Variants in RIPOR2 observed in about 807,000 individuals in gnomAD.
RIPOR2 encodes the protein RHO family interacting cell polarization regulator 2.
A neutral mutation model predicts 114.5 loss-of-function variants in RIPOR2; 39 were observed. That is an observed-to-expected ratio of 0.34 (90% CI 0.26 to 0.44). The LOEUF is 0.44. RIPOR2 is among the 20% of genes least tolerant of loss of function. The probability of loss-of-function intolerance (pLI) is 1.00; values close to 1 mark genes in which losing one functional copy is unlikely to be tolerated. For synonymous variants in RIPOR2, 445 were observed against 484.4 expected (o/e 0.92, Z 1.07); for missense variants, 1,007 against 1,255.1 (o/e 0.80, Z 2.99).
intron 1 of RIPOR2, among the ~76,000 whole-genome samples, chr6:25,006,506 A>G (rs1302859750): frequency 3.3e-5 from 5 of 152,176 alleles, no homozygotes; most frequent in African/African-American, 4.8e-5. Context: ...CACAAATTCC[A>G]ATCTCCCTCT....
At chr6:24,807,128 C>A (rs1002637948) in intron 21 of RIPOR2, among the ~76,000 whole-genome samples, 10 of 152,200 alleles carry the variant, frequency 6.6e-5, no homozygotes, top group African/African-American at 2.4e-4. Context: ...AGCAGGCTTT[C>A]ATACATGTAA....
At chr6:24,984,605 C>T (rs548046231) in intron 1 of RIPOR2, among the ~76,000 whole-genome samples, 51 of 148,816 alleles carry the variant, frequency 3.4e-4, no homozygotes, top group East Asian at 6.0e-4. Context: ...GGTTTGAGCC[C>T]GGGAGTTGGA....
chr6:24,925,603 G>T (rs1770807353), intron 1 of RIPOR2, among the ~76,000 whole-genome samples: 1 of 152,106 alleles, frequency 6.6e-6, no homozygotes, highest in African/African-American at 2.4e-5. Flanking sequence ...TCAGGAGGCT[G>T]AGGCAGGAGA....
intron 19 of RIPOR2, among the ~76,000 whole-genome samples, chr6:24,819,618 A>G (rs1759487489): frequency 8.2e-6 from 1 of 121,574 alleles, no homozygotes; most frequent in Non-Finnish European, 1.7e-5. Context: ...GGTTCAAGAG[A>G]TTCTCCTACC....
Position 24,914,864 on chromosome 6 carries a change from C to T in RIPOR2, c.61+20974G>A, listed in dbSNP as rs576030104. Among the ~76,000 whole-genome samples the T allele has an allele frequency of 5.3e-5, 8 of 152,302 alleles. No individual in the cohort carries two copies. In the East Asian group the frequency reaches 1.5e-3, roughly 29 times the overall value. ...TAGACCATGCCTGAAGAACCACTGC[C>T]GTTATGAAGTGAAGTCGGTGCTCTA... On this transcript the variant is annotated intron_variant, in intron 1 of 21. Transcript: ENST00000643898.
At chr6:24,884,933 A>C (rs571162046) in intron 1 of RIPOR2, among the ~76,000 whole-genome samples, 62 of 152,308 alleles carry the variant, frequency 4.1e-4, no homozygotes, top group African/African-American at 1.4e-3. Context: ...ACTTGAAAAA[A>C]AGAAACTTAA....
At chr6:24,967,318 G>T (rs1773570063) in intron 1 of RIPOR2, among the ~76,000 whole-genome samples, 1 of 152,202 alleles carries the variant, frequency 6.6e-6, no homozygotes, top group Non-Finnish European at 1.5e-5. Flanking sequence ...ATAAGAAGAA[G>T]CATGTTGGGG....
intron 1 of RIPOR2, among the ~76,000 whole-genome samples, chr6:24,971,670 A>G (rs1483683837): frequency 1.3e-5 from 2 of 152,268 alleles, no homozygotes; most frequent in Non-Finnish European, 1.5e-5. Flanking sequence ...TGAAGCAGCT[A>G]TGAACATTTA....
chr6:24,831,006 A>G (rs7741583), intron 16 of RIPOR2, among the ~76,000 whole-genome samples: 120,116 of 151,624 alleles, frequency 0.79, 48,715 homozygotes, highest in East Asian at 0.96. Context: ...GTGAGCCACC[A>G]CGCCTGGCCA....
At chr6:25,023,562 G>C (rs1278666918) in intron 1 of RIPOR2, 1 of 772,336 alleles carries the variant, frequency 1.3e-6, no homozygotes, top group Non-Finnish European at 2.4e-6. Flanking sequence ...CCCAGGCCTT[G>C]TTTGATTTTG....
intron 9 of RIPOR2, among the ~76,000 whole-genome samples, chr6:24,851,825 G>T (rs1442945538): frequency 6.6e-6 from 1 of 152,006 alleles, no homozygotes; most frequent in Non-Finnish European, 1.5e-5. Context: ...CTAATTCCAG[G>T]TGACGTTAGC....
chr6:24,940,417 A>C (rs1383257845), upstream of RIPOR2, among the ~76,000 whole-genome samples: 1 of 152,182 alleles, frequency 6.6e-6, no homozygotes, highest in African/African-American at 2.4e-5. Flanking sequence ...AGGGAGAAAA[A>C]CCTGAACTAA....
chr6:24,839,505 G>A, intron 13 of RIPOR2: 1 of 1,405,554 alleles, frequency 7.1e-7, no homozygotes. Flanking sequence ...GAAGTCAGCA[G>A]GTTGAAGAAT....
Position 24,805,247 on chromosome 6 carries a change from A to G in RIPOR2, c.*1126T>C, listed in dbSNP as rs1240798668. On this transcript the variant is annotated 3_prime_UTR_variant, in exon 22 of 22. Coordinates refer to ENST00000643898, the MANE Select transcript of RIPOR2 (RefSeq NM_001286445.3). ...TAGCTCTCATTAATTAAAAAAAAAA[A>G]AGCATAAGCTTTGAGTTTTTTGTTT... The G allele has an allele frequency of 8.1e-6, 1 of 123,056 alleles. No individual in the cohort carries two copies. Among genetic ancestry groups the G allele is most frequent in the Non-Finnish European group, 1.9e-5 (1 of 52,064 alleles). 7.6% of individuals were successfully genotyped at this position (123,056 alleles called of 1,614,324 possible).
intron 1 of RIPOR2, among the ~76,000 whole-genome samples, chr6:24,948,994 T>C (rs435086): frequency 0.54 from 81,626 of 151,942 alleles, 22,501 homozygotes; most frequent in Middle Eastern, 0.61. Context: ...CTGACTTCTC[T>C]TAGGTGTCAA....
chr6:25,026,627 T>C (rs1581975821), intron 1 of RIPOR2, among the ~76,000 whole-genome samples: 1 of 152,370 alleles, frequency 6.6e-6, no homozygotes, highest in South Asian at 2.1e-4. Flanking sequence ...AAGAGTTTTA[T>C]GTGTACTTAT....
At chr6:24,916,281 A>G (rs1770073836) in intron 1 of RIPOR2, among the ~76,000 whole-genome samples, 1 of 152,098 alleles carries the variant, frequency 6.6e-6, no homozygotes, top group Non-Finnish European at 1.5e-5. Context: ...CCTTCATGAC[A>G]CTTTCCTTGG....
Position 24,848,247 on chromosome 6 carries a change from G to A in RIPOR2, c.1035-93C>T, listed in dbSNP as rs901756375. On this transcript the variant is annotated intron_variant, in intron 11 of 21. Coordinates refer to ENST00000643898, the MANE Select transcript of RIPOR2 (RefSeq NM_001286445.3). Reference sequence around the variant, plus strand: ...TAAGAGAGTACCTCATTATATAAAGGTAAACTCAACCAGAGGTTCAGAACT... The same window carrying A: ...TAAGAGAGTACCTCATTATATAAAGATAAACTCAACCAGAGGTTCAGAACT... 6 of 1,315,160 alleles carry A rather than the reference G, an allele frequency of 4.6e-6. No homozygotes were observed. In the East Asian group the frequency reaches 7.5e-5, roughly 16 times the overall value. 81.5% of individuals were successfully genotyped at this position (1,315,160 alleles called of 1,614,324 possible). A position where few individuals can be genotyped will look rare whatever the true frequency, so the allele number is the denominator to read the frequency against.
intron 1 of RIPOR2, among the ~76,000 whole-genome samples, chr6:24,979,377 C>T (rs2113576827): frequency 6.7e-6 from 1 of 150,190 alleles, no homozygotes; most frequent in East Asian, 2.0e-4. Context: ...ATTAACTGTC[C>T]TGTGGGAGAG....
Sources: gnomAD v4.1 joint callset for allele counts (sites outside exome capture counted in the v4.1 genomes callset) on GRCh38, gnomAD v4.1.1 for gene constraint, MANE v1.5 for transcripts, NCBI Gene and HGNC (gene_info 2026-07-23, HGNC 2026-07-21) for gene names.